ADAM23: variants seen among roughly 807,000 people sequenced by gnomAD.
ADAM23 encodes the protein ADAM metallopeptidase domain 23.
In ADAM23, 33 loss-of-function variants were observed where a neutral mutation model predicts 120.1. That is an observed-to-expected ratio of 0.27 (90% CI 0.21 to 0.37). ADAM23 has a LOEUF of 0.37. ADAM23 is among the 10% of genes least tolerant of loss of function. The pLI is 1.00. For synonymous variants in ADAM23, 367 were observed against 375.2 expected (o/e 0.98, Z 0.25); for missense variants, 862 against 1,058.2 (o/e 0.81, Z 2.57).
intron 3 of ADAM23, among the ~76,000 whole-genome samples, chr2:206,506,078 A>G (rs1696491071): frequency 6.6e-6 from 1 of 152,216 alleles, no homozygotes; most frequent in African/African-American, 2.4e-5. Context: ...GGTTAGATTT[A>G]AAGTCTAGAG....
intron 25 of ADAM23, among the ~76,000 whole-genome samples, chr2:206,611,772 A>C: frequency 6.6e-6 from 1 of 152,226 alleles, no homozygotes; most frequent in East Asian, 1.9e-4. Context: ...TTGGGGAAAA[A>C]TGGAAAAGCC....
At chr2:206,530,044 C>T (rs376845955) in intron 3 of ADAM23, among the ~76,000 whole-genome samples, 14 of 152,192 alleles carry the variant, frequency 9.2e-5, no homozygotes, top group African/African-American at 2.9e-4. Flanking sequence ...CTCTTGACCT[C>T]GTGATCCACC....
chr2:206,494,082 T>C (rs990459333), intron 3 of ADAM23, among the ~76,000 whole-genome samples: 3 of 152,142 alleles, frequency 2.0e-5, no homozygotes, highest in African/African-American at 7.3e-5. Context: ...CTAATTAACA[T>C]ATCCATCACC....
chr2:206,541,512 G>A (rs1340289191), intron 4 of ADAM23, among the ~76,000 whole-genome samples: 1 of 152,082 alleles, frequency 6.6e-6, no homozygotes, highest in Non-Finnish European at 1.5e-5. Flanking sequence ...TGGTTGCCTT[G>A]GAGGTGGAGG....
intron 10 of ADAM23, among the ~76,000 whole-genome samples, chr2:206,559,520 G>A (rs965874261): frequency 6.6e-6 from 1 of 152,072 alleles, no homozygotes; most frequent in African/African-American, 2.4e-5. Flanking sequence ...TATATTGTTT[G>A]GTGCTTATCT....
chr2:206,460,146 C>G (rs1224993315), intron 2 of ADAM23, among the ~76,000 whole-genome samples: 2 of 151,182 alleles, frequency 1.3e-5, no homozygotes, highest in African/African-American at 4.9e-5. Flanking sequence ...AATGTGGTCA[C>G]TGAAGAAAAT....
At chr2:206,556,126 G>A (rs1038466042) in intron 9 of ADAM23, among the ~76,000 whole-genome samples, 13 of 151,978 alleles carry the variant, frequency 8.6e-5, no homozygotes, top group African/African-American at 3.1e-4. Flanking sequence ...TACAGTAGTG[G>A]CAATAACATG....
chr2:206,595,480 G>A (rs1698506171), intron 23 of ADAM23, among the ~76,000 whole-genome samples: 1 of 151,992 alleles, frequency 6.6e-6, no homozygotes, highest in Non-Finnish European at 1.5e-5. Flanking sequence ...CTAGGGGTGT[G>A]GGGGTGTGGT....
In ADAM23 at chr2:206,571,708, C is replaced by G; in HGVS notation, c.1567-19C>G. On this transcript the variant is annotated intron_variant, in intron 16 of 25. Transcript: ENST00000264377. Reference sequence around the variant, plus strand: ...GCAGGTAAGGCTCTTCGCTTACTCACGTGAAGTGTTTTCTCTAGGAATGCT... The same window carrying G: ...GCAGGTAAGGCTCTTCGCTTACTCAGGTGAAGTGTTTTCTCTAGGAATGCT... 1.2e-6 allele frequency: 2 copies of G among 1,601,320 alleles called. No homozygotes were observed. Among genetic ancestry groups the G allele is most frequent in the Non-Finnish European group, 1.7e-6 (2 of 1,168,474 alleles).
intron 3 of ADAM23, among the ~76,000 whole-genome samples, chr2:206,495,104 A>G (rs1422831129): frequency 6.6e-6 from 1 of 152,220 alleles, no homozygotes; most frequent in Admixed American, 6.5e-5. Flanking sequence ...AACTTCCCCA[A>G]TCTAGCAAGG....
At chr2:206,599,073 T>C (rs890431901) in intron 24 of ADAM23, among the ~76,000 whole-genome samples, 3 of 150,434 alleles carry the variant, frequency 2.0e-5, no homozygotes, top group Admixed American at 6.6e-5. Context: ...GGCATGGTGG[T>C]GCGTGCCTGT....
intron 3 of ADAM23, among the ~76,000 whole-genome samples, chr2:206,505,306 A>G (rs1300203155): frequency 6.6e-6 from 1 of 152,228 alleles, no homozygotes; most frequent in Non-Finnish European, 1.5e-5. Flanking sequence ...AGTGTGTGTT[A>G]TAGTGTCCAA....
At chr2:206,445,160 C>G in intron 1 of ADAM23, 147 bp from the exon 2 acceptor site, 1 of 641,244 alleles carries the variant, frequency 1.6e-6, no homozygotes, top group Non-Finnish European at 2.7e-6. Flanking sequence ...TACTCTAGCT[C>G]TACTTCTTAA....
At chr2:206,560,248 T>G (rs1697736790) in intron 11 of ADAM23, 130 bp downstream of exon 11, 1 of 972,054 alleles carries the variant, frequency 1.0e-6, no homozygotes, top group African/African-American at 1.6e-5. Context: ...CCTTTGTCTG[T>G]TAGATAAGAA....
chr2:206,504,217 ATG>A (rs542688725), intron 3 of ADAM23, among the ~76,000 whole-genome samples: 5 of 152,242 alleles, frequency 3.3e-5, no homozygotes, highest in African/African-American at 1.2e-4. Flanking sequence ...TTTTGATAGA[ATG>A]TATTAGATGT....
chr2:206,609,104 C>A (rs1698783274), intron 24 of ADAM23, among the ~76,000 whole-genome samples: 1 of 152,154 alleles, frequency 6.6e-6, no homozygotes, highest in African/African-American at 2.4e-5. Context: ...TTAGCTCTTA[C>A]CCTTAGCAAT....
chr2:206,529,178 G>C (rs1392713934), intron 3 of ADAM23, among the ~76,000 whole-genome samples: 1 of 152,068 alleles, frequency 6.6e-6, no homozygotes, highest in African/African-American at 2.4e-5. Flanking sequence ...TAAGTACTAG[G>C]CTAAGAAATG....
intron 10 of ADAM23, among the ~76,000 whole-genome samples, chr2:206,559,128 T>C (rs1697707462): frequency 6.6e-6 from 1 of 152,150 alleles, no homozygotes; most frequent in African/African-American, 2.4e-5. Context: ...GTATTTTTAG[T>C]AGAGACGGGG....
At chr2:206,579,491 G>A (rs1024981969) in intron 18 of ADAM23, among the ~76,000 whole-genome samples, 1 of 152,062 alleles carries the variant, frequency 6.6e-6, no homozygotes, top group Non-Finnish European at 1.5e-5. Flanking sequence ...TGAAAAGGGT[G>A]TCCTTTTCCC....
Sources: gnomAD v4.1 joint callset for allele counts (sites outside exome capture counted in the v4.1 genomes callset) on GRCh38, gnomAD v4.1.1 for gene constraint, MANE v1.5 for transcripts, NCBI Gene and HGNC (gene_info 2026-07-23, HGNC 2026-07-21) for gene names.